The following EXTL3 variants were observed in gnomAD, a reference collection of about 807,000 sequenced individuals.
The protein encoded by EXTL3 is exostosin-like 3.
In EXTL3, 27 loss-of-function variants were observed where a neutral mutation model predicts 69.3. The observed-to-expected ratio is 0.39, with a 90% CI of 0.29 to 0.54. The LOEUF (loss-of-function observed/expected upper bound fraction) is 0.54. Ranked by LOEUF, EXTL3 falls within the 20% of genes least tolerant of loss-of-function variation. The pLI is 0.69. For synonymous variants in EXTL3, 511 were observed against 499.4 expected (o/e 1.02, Z -0.31); for missense variants, 1,003 against 1,231.8 (o/e 0.81, Z 2.78).
intron 3 of EXTL3, among the ~76,000 whole-genome samples, chr8:28,724,168 T>G (rs1431006059): frequency 6.6e-6 from 1 of 152,208 alleles, no homozygotes; most frequent in East Asian, 1.9e-4. Flanking sequence ...TAACAGTTTT[T>G]GGGCATTTTC....
chr8:28,641,856 G>C (rs1806748225), intron 1 of EXTL3, among the ~76,000 whole-genome samples: 1 of 151,020 alleles, frequency 6.6e-6, no homozygotes. Flanking sequence ...TTTTTCTTGA[G>C]ACGGAGTCTC....
chr8:28,698,177 CTG>C (rs1287559654), upstream of EXTL3: 1 of 152,184 alleles, frequency 6.6e-6, no homozygotes, highest in African/African-American at 2.4e-5. Context: ...GTCTTGGAAA[CTG>C]TTGAATGTGA....
intron 1 of EXTL3, among the ~76,000 whole-genome samples, chr8:28,638,758 A>G (rs1023869257): frequency 1.3e-5 from 2 of 152,040 alleles, no homozygotes; most frequent in African/African-American, 4.8e-5. Context: ...CAGCCTCCTG[A>G]GTAGCTGAGA....
At chr8:28,723,399 C>A (rs891974076) in intron 3 of EXTL3, among the ~76,000 whole-genome samples, 1 of 152,122 alleles carries the variant, frequency 6.6e-6, no homozygotes, top group African/African-American at 2.4e-5. Flanking sequence ...TTATATAAAA[C>A]AAGGCTACCC....
chr8:28,662,941 A>G (rs164665), intron 1 of EXTL3, among the ~76,000 whole-genome samples: 104,069 of 151,934 alleles, frequency 0.68, 36,294 homozygotes, highest in African/African-American at 0.81. Flanking sequence ...TGGAAGACAG[A>G]GTGAAACCCT....
chr8:28,690,140 T>C (rs1344168225), intron 1 of EXTL3, among the ~76,000 whole-genome samples: 1 of 152,218 alleles, frequency 6.6e-6, no homozygotes, highest in Non-Finnish European at 1.5e-5. Flanking sequence ...TGGTTGAAAG[T>C]ACAAATATTT....
chr8:28,716,262 G>C lies in EXTL3; in HGVS notation c.203G>C (p.Arg68Pro), dbSNP rs150466027. The C allele has an allele frequency of 6.2e-7, 1 of 1,614,050 alleles. No individual in the cohort carries two copies. The highest frequency in any genetic ancestry group is 1.1e-5 in the South Asian group (1 of 91,086). The change falls in exon 3 of 7, where the codon CGG becomes CCG. Residue 68 changes from arginine (R) to proline (P), a missense_variant. Arg to Pro is a moderately radical substitution (Grantham distance 103, BLOSUM62 -2). Around this residue, in one of 2 missense-constraint regions of EXTL3, gnomAD observed 742 missense variants for 815.4 expected, o/e 0.91. Coordinates refer to ENST00000220562, the MANE Select transcript of EXTL3 (RefSeq NM_001440.4). This position sits in a 1 kb window ranked among gnomAD's most constrained non-coding sequence, Gnocchi z 7.1. Reference protein sequence around the residue: ...DEAGKRIFGPRVGNELCEVKH... With the variant: ...DEAGKRIFGPPVGNELCEVKH... ...GCAGGCAAGCGGATTTTTGGTCCCC[G>C]GGTGGGGAACGAGCTGTGCGAGGTG...
chr8:28,720,869 A>G (rs1801279672), intron 3 of EXTL3, among the ~76,000 whole-genome samples: 3 of 152,182 alleles, frequency 2.0e-5, no homozygotes, highest in Admixed American at 2.0e-4. Context: ...TATCTAATGA[A>G]AGCCAACTAG....
At chr8:28,707,184 G>A (rs1256296018) in intron 1 of EXTL3, among the ~76,000 whole-genome samples, 1 of 152,172 alleles carries the variant, frequency 6.6e-6, no homozygotes, top group South Asian at 2.1e-4. Context: ...CATAATGATT[G>A]TAAAATGAAT....
At chr8:28,676,021 CAAAAAAAAA>C (rs386412447) in intron 1 of EXTL3, among the ~76,000 whole-genome samples, 7 of 105,398 alleles carry the variant, frequency 6.6e-5, no homozygotes, top group Non-Finnish European at 1.3e-4. Context: ...GACTCCATCT[CAAAAAAAAA>C]AAAAAAAAGA....
At position 28,610,889 on chromosome 8, in the gene EXTL3, C is replaced by T. The variant is rs191287386; in HGVS notation, n.314+3131C>T. 2.5e-3 allele frequency among the ~76,000 whole-genome samples: 380 copies of T among 152,116 alleles called. 1 individual carries two copies. The highest frequency in any genetic ancestry group is 4.5e-3 in the Non-Finnish European group (306 of 67,974). ...TCCCAAGTAGCTGGGATTACAGGCG[C>T]CTGCCACCACGCCTGGCTAATTTTT... On this transcript the variant is annotated intron_variant and non_coding_transcript_variant, in intron 2 of 4. Transcript: ENST00000522725.
intron 1 of EXTL3, among the ~76,000 whole-genome samples, chr8:28,681,198 G>A (rs546926012): frequency 6.6e-6 from 1 of 151,766 alleles, no homozygotes; most frequent in South Asian, 2.1e-4. Context: ...TTATAAGGCT[G>A]AATAGTATTC....
intron 4 of EXTL3, among the ~76,000 whole-genome samples, chr8:28,737,186 T>G (rs1801670830): frequency 6.6e-6 from 1 of 152,232 alleles, no homozygotes; most frequent in Non-Finnish European, 1.5e-5. Context: ...GATTATTGTA[T>G]ATACCCCATT....
chr8:28,648,295 C>G (rs1806866146), intron 1 of EXTL3, among the ~76,000 whole-genome samples: 1 of 151,800 alleles, frequency 6.6e-6, no homozygotes, highest in East Asian at 1.9e-4. Flanking sequence ...GATTTTTTTT[C>G]CTGGCCCTGA....
At chr8:28,610,273 C>T (rs1235275572) in intron 2 of EXTL3, among the ~76,000 whole-genome samples, 2 of 151,280 alleles carry the variant, frequency 1.3e-5, no homozygotes, top group African/African-American at 2.4e-5. Flanking sequence ...CAGAGTTAGT[C>T]GAGAGTCCTA....
At chr8:28,617,666 C>T (rs530060622) in intron 2 of EXTL3, among the ~76,000 whole-genome samples, 4 of 152,142 alleles carry the variant, frequency 2.6e-5, no homozygotes, top group Non-Finnish European at 5.9e-5. Context: ...TGCCTGTAGT[C>T]CCAGCTACTT....
chr8:28,739,122 T>C (rs1801721319), intron 5 of EXTL3, among the ~76,000 whole-genome samples: 1 of 152,196 alleles, frequency 6.6e-6, no homozygotes, highest in African/African-American at 2.4e-5. Context: ...AGCCTTGGCC[T>C]TTCTTGCTGA....
chr8:28,717,993 G>A lies in EXTL3; in HGVS notation c.1934G>A (p.Gly645Asp), dbSNP rs1449169396. 1 of 1,614,172 alleles carries A rather than the reference G, an allele frequency of 6.2e-7. No homozygotes were observed. Among genetic ancestry groups the A allele is most frequent in the Non-Finnish European group, 8.5e-7 (1 of 1,180,034 alleles). The change falls in exon 3 of 7, where the codon GGT (glycine) becomes GAT (aspartate). Residue 645 changes from glycine to aspartate, a missense_variant. By Grantham distance (94) the Gly-to-Asp change is moderately conservative. Transcript: ENST00000220562. This position sits in a 1 kb window ranked among gnomAD's most constrained non-coding sequence, Gnocchi z 8.3. ...GFRPIGGGAG[G>D]SGKEFQAALG... is the part of the protein sequence containing the mutation. ...CGGCCTATTGGTGGTGGAGCTGGGG[G>A]TTCTGGCAAGGAATTTCAGGCAGCG...
At chr8:28,656,709 C>T (rs1042081843) in intron 1 of EXTL3, among the ~76,000 whole-genome samples, 1 of 152,078 alleles carries the variant, frequency 6.6e-6, no homozygotes, top group African/African-American at 2.4e-5. Flanking sequence ...CATGTAAAGC[C>T]TTGTGTTAAA....
Sources: allele counts gnomAD v4.1 joint callset (sites outside exome capture counted in the v4.1 genomes callset), GRCh38; gene constraint gnomAD v4.1.1; regional missense constraint gnomAD v4.1.1; non-coding constraint Gnocchi (gnomAD v3.1); transcripts MANE v1.5; gene names NCBI Gene and HGNC (gene_info 2026-07-23, HGNC 2026-07-21).